Variants in MAGI1 observed in about 807,000 individuals in gnomAD.
The protein encoded by MAGI1 is membrane associated guanylate kinase, WW and PDZ domain containing 1.
MAGI1 carries 58 observed loss-of-function variants against 139.9 expected under a neutral mutation model. The observed-to-expected ratio is 0.41, with a 90% confidence interval of 0.34 to 0.52. The LOEUF (loss-of-function observed/expected upper bound fraction) is 0.52, where lower values mean the gene tolerates loss of function less well. Ranked by LOEUF, MAGI1 falls within the 20% of genes least tolerant of loss-of-function variation. The pLI, the probability that MAGI1 is intolerant of heterozygous loss-of-function variation, is 0.12. For missense variants in MAGI1, 1,874 were observed against 1,901.6 expected (o/e 0.99, Z 0.27); for synonymous variants, 812 against 737.9 (o/e 1.10, Z -1.63).
chr3:65,650,034 C>T (rs1014982811), intron 1 of MAGI1, among the ~76,000 whole-genome samples: 1 of 152,128 alleles, frequency 6.6e-6, no homozygotes, highest in East Asian at 1.9e-4. Context: ...GAAACTTAAT[C>T]CCCAATGCAA....
intron 1 of MAGI1, among the ~76,000 whole-genome samples, chr3:65,812,171 CTTTT>C (rs1011876200): frequency 6.6e-6 from 1 of 152,070 alleles, no homozygotes; most frequent in African/African-American, 2.4e-5. Context: ...ATAATAAATA[CTTTT>C]TTTAAGTGTA....
At chr3:65,510,326 G>T (rs536690694) in intron 2 of MAGI1, among the ~76,000 whole-genome samples, 1 of 152,306 alleles carries the variant, frequency 6.6e-6, no homozygotes, top group African/African-American at 2.4e-5. Flanking sequence ...TGAGCTGAGA[G>T]AAGAAGGCTT....
intron 1 of MAGI1, among the ~76,000 whole-genome samples, chr3:65,686,527 A>G (rs539938635): frequency 2.0e-4 from 30 of 152,210 alleles, no homozygotes; most frequent in African/African-American, 6.7e-4. Flanking sequence ...TCCTGACCTC[A>G]TGATACTCCC....
intron 10 of MAGI1, among the ~76,000 whole-genome samples, chr3:65,435,949 G>A (rs1418447772): frequency 6.6e-6 from 1 of 152,088 alleles, no homozygotes; most frequent in Non-Finnish European, 1.5e-5. Flanking sequence ...AAGGTAAGAA[G>A]GCATGAGCCT....
chr3:65,640,663 A>C (rs1041195915), intron 1 of MAGI1, among the ~76,000 whole-genome samples: 2 of 152,224 alleles, frequency 1.3e-5, no homozygotes, highest in South Asian at 4.1e-4. Flanking sequence ...ACATTGTTGT[A>C]TGTTTATTCA....
At chr3:65,430,563 G>A (rs1234810092) in intron 11 of MAGI1, 136 bp downstream of exon 11, 1 of 836,292 alleles carries the variant, frequency 1.2e-6, no homozygotes, top group Non-Finnish European at 1.8e-6. Context: ...CATTCTCAAG[G>A]TGTTTAAAGC....
At chr3:65,612,036 G>T (rs556655248) in intron 2 of MAGI1, among the ~76,000 whole-genome samples, 3 of 151,998 alleles carry the variant, frequency 2.0e-5, no homozygotes, top group Admixed American at 1.3e-4. Context: ...TTTCAGGCTA[G>T]TCTCTCTATA....
chr3:65,935,897 G>A (rs992281915), intron 1 of MAGI1, among the ~76,000 whole-genome samples: 1 of 152,232 alleles, frequency 6.6e-6, no homozygotes, highest in African/African-American at 2.4e-5. Context: ...AGAGACATGT[G>A]AAGGAAGTCA....
At chr3:65,816,048 G>C (rs2041581185) in intron 1 of MAGI1, among the ~76,000 whole-genome samples, 1 of 152,140 alleles carries the variant, frequency 6.6e-6, no homozygotes, top group Non-Finnish European at 1.5e-5. Context: ...GTGAAAGTTG[G>C]CAGCTGATTG....
In MAGI1 at chr3:65,381,785, A is replaced by G; in HGVS notation, c.2701+92T>C. 3 of 1,225,120 alleles carry G rather than the reference A, an allele frequency of 2.4e-6. No individual in the cohort carries two copies. The African/African-American group carries it at 4.6e-5, about 19-fold the overall frequency. The allele number at this position is 1,225,120 out of a possible 1,614,324, so 75.9% of individuals were successfully genotyped here. ...GATCACATTTGCAAACATTTGCTAAAATAGACGCTCAAGGAGGCAGACACA... is the reference window on the plus strand; with the variant it reads ...GATCACATTTGCAAACATTTGCTAAGATAGACGCTCAAGGAGGCAGACACA... On this transcript the variant is annotated intron_variant, in intron 16 of 22. Coordinates refer to ENST00000402939, the MANE Select transcript of MAGI1 (RefSeq NM_001033057.2).
chr3:65,689,640 G>A (rs991271414), intron 1 of MAGI1, among the ~76,000 whole-genome samples: 5 of 152,236 alleles, frequency 3.3e-5, no homozygotes, highest in East Asian at 1.9e-4. Flanking sequence ...CAGTTACATC[G>A]TCTGGAATAT....
chr3:65,921,279 A>C (rs1207973828), intron 1 of MAGI1, among the ~76,000 whole-genome samples: 1 of 151,998 alleles, frequency 6.6e-6, no homozygotes, highest in Non-Finnish European at 1.5e-5. Flanking sequence ...AAGATTATTA[A>C]ATCAATCTGT....
Position 65,708,189 on chromosome 3 carries a change from T to G in MAGI1, c.314-86101A>C, listed in dbSNP as rs147917163. ...TCAAGACAGGACAATGATTTACAGA[T>G]AGGACCCAACCTGGCTTTTCCCCCC... On this transcript the variant is annotated intron_variant, in intron 1 of 22. Transcript: ENST00000402939. Among the ~76,000 whole-genome samples, 203 of 152,326 alleles carry G rather than the reference T, an allele frequency of 1.3e-3. 1 individual carries two copies. The highest frequency in any genetic ancestry group is 4.8e-3 in the African/African-American group (199 of 41,562).
intron 2 of MAGI1, among the ~76,000 whole-genome samples, chr3:65,586,868 A>G (rs996401667): frequency 6.6e-6 from 1 of 152,060 alleles, no homozygotes; most frequent in African/African-American, 2.4e-5. Flanking sequence ...GGCACAGGGA[A>G]GCTTCTGGTA....
At chr3:65,714,803 C>T (rs900560315) in intron 1 of MAGI1, among the ~76,000 whole-genome samples, 1 of 152,132 alleles carries the variant, frequency 6.6e-6, no homozygotes, top group African/African-American at 2.4e-5. Context: ...AACACACACA[C>T]ACCCCCCACA....
chr3:65,648,455 A>C (rs2085404363), intron 1 of MAGI1, among the ~76,000 whole-genome samples: 1 of 152,206 alleles, frequency 6.6e-6, no homozygotes, highest in African/African-American at 2.4e-5. Flanking sequence ...ATGTATGCCT[A>C]TATATTAGCA....
Position 65,382,141 on chromosome 3 carries a change from C to T in MAGI1, c.2509-72G>A, listed in dbSNP as rs1575570673. 4 of 1,260,128 alleles carry T rather than the reference C, an allele frequency of 3.2e-6. No homozygotes were observed. In the East Asian group the frequency reaches 7.0e-5, roughly 22 times the overall value. The allele number at this position is 1,260,128 out of a possible 1,614,324, so 78.1% of individuals were successfully genotyped here. A position where few individuals can be genotyped will look rare whatever the true frequency, so the allele number is the denominator to read the frequency against. On this transcript the variant is annotated intron_variant, in intron 15 of 22. Coordinates refer to ENST00000402939, the MANE Select transcript of MAGI1 (RefSeq NM_001033057.2). ...ACTGTTACATCAATAGCCTTCACATCTCTGGGAACAATTCATTCATTCATG... is the reference window on the plus strand; with the variant it reads ...ACTGTTACATCAATAGCCTTCACATTTCTGGGAACAATTCATTCATTCATG...
At chr3:65,928,987 A>G (rs567558208) in intron 1 of MAGI1, among the ~76,000 whole-genome samples, 109 of 152,168 alleles carry the variant, frequency 7.2e-4, no homozygotes, top group African/African-American at 2.5e-3. Flanking sequence ...CTTTCAGCTT[A>G]TTTAATGAAA....
At chr3:65,950,106 A>AAAAAAAAAAAC (rs796698272) in intron 1 of MAGI1, among the ~76,000 whole-genome samples, 6 of 84,198 alleles carry the variant, frequency 7.1e-5, no homozygotes, top group African/African-American at 2.0e-4. Flanking sequence ...AAAAAAAAAA[A>AAAAAAAAAAAC]CAGAACTAGC....
Sources: gnomAD v4.1 joint callset for allele counts (sites outside exome capture counted in the v4.1 genomes callset) on GRCh38, gnomAD v4.1.1 for gene constraint, MANE v1.5 for transcripts, NCBI Gene and HGNC (gene_info 2026-07-23, HGNC 2026-07-21) for gene names.